Variants in DOCK4 observed in about 807,000 individuals in gnomAD.
DOCK4 encodes the protein dedicator of cytokinesis 4, also known as dedicator of cytokinesis protein 4.
A neutral mutation model predicts 268.1 loss-of-function variants in DOCK4; 97 were observed. That is an observed-to-expected ratio of 0.36 (90% CI 0.31 to 0.43). The LOEUF (loss-of-function observed/expected upper bound fraction) is 0.43. DOCK4 is among the 20% of genes least tolerant of loss of function. The probability of loss-of-function intolerance (pLI) is 1.00; values close to 1 mark genes in which losing one functional copy is unlikely to be tolerated. For synonymous variants in DOCK4, 954 were observed against 887.2 expected (o/e 1.08, Z -1.34); for missense variants, 2,145 against 2,455.7 (o/e 0.87, Z 2.67).
At chr7:111,983,859 C>CGT (rs1798817830) in intron 7 of DOCK4, among the ~76,000 whole-genome samples, 2 of 116,438 alleles carry the variant, frequency 1.7e-5, no homozygotes, top group African/African-American at 3.3e-5. Context: ...CGCGCGCGCG[C>CGT]GCGCACACAC....
intron 1 of DOCK4, among the ~76,000 whole-genome samples, chr7:112,066,639 C>CGT (rs1172568632): frequency 8.2e-5 from 10 of 122,600 alleles, no homozygotes; most frequent in Non-Finnish European, 1.4e-4. Flanking sequence ...TATATACACA[C>CGT]ATATACATAT....
At chr7:111,850,451 C>T (rs1192163830) in intron 23 of DOCK4, among the ~76,000 whole-genome samples, 2 of 152,152 alleles carry the variant, frequency 1.3e-5, no homozygotes, top group Admixed American at 6.5e-5. Flanking sequence ...GCCACCCCCA[C>T]ACCTATCACC....
intron 8 of DOCK4, among the ~76,000 whole-genome samples, chr7:111,974,692 C>T (rs1340487633): frequency 1.3e-5 from 2 of 151,876 alleles, no homozygotes; most frequent in Non-Finnish European, 2.9e-5. Flanking sequence ...AGCCACATTA[C>T]AGACCAGGAA....
chr7:111,934,934 T>A (rs1794601688), intron 12 of DOCK4, among the ~76,000 whole-genome samples: 1 of 151,982 alleles, frequency 6.6e-6, no homozygotes, highest in Non-Finnish European at 1.5e-5. Flanking sequence ...ATTTGTCATG[T>A]GATTTTTAGC....
intron 1 of DOCK4, among the ~76,000 whole-genome samples, chr7:112,035,825 C>T (rs1803704144): frequency 6.6e-6 from 1 of 151,970 alleles, no homozygotes; most frequent in South Asian, 2.1e-4. Context: ...AGGAAGAAGT[C>T]AATGTGCAGA....
At chr7:112,150,694 TC>T (rs1815975104) in intron 1 of DOCK4, among the ~76,000 whole-genome samples, 1 of 152,134 alleles carries the variant, frequency 6.6e-6, no homozygotes, top group Non-Finnish European at 1.5e-5. Context: ...CTCCAAGCCC[TC>T]CACTCCAGCA....
At chr7:111,922,082 A>G (rs1793184904) in intron 12 of DOCK4, among the ~76,000 whole-genome samples, 1 of 152,246 alleles carries the variant, frequency 6.6e-6, no homozygotes, top group Non-Finnish European at 1.5e-5. Context: ...GAAGGCGGTG[A>G]AATTCCTAAT....
At chr7:112,098,809 C>CACA in intron 1 of DOCK4, among the ~76,000 whole-genome samples, 1 of 125,456 alleles carries the variant, frequency 8.0e-6, no homozygotes, top group East Asian at 2.3e-4. Flanking sequence ...ATCTCATGAG[C>CACA]ATATATCTAT....
intron 8 of DOCK4, among the ~76,000 whole-genome samples, chr7:111,949,271 C>A (rs1467752233): frequency 6.6e-6 from 1 of 152,126 alleles, no homozygotes; most frequent in African/African-American, 2.4e-5. Context: ...GATTAAAATA[C>A]AGAAGTCAAT....
At chr7:111,999,248 T>G (rs1405276991) in intron 3 of DOCK4, among the ~76,000 whole-genome samples, 1 of 152,136 alleles carries the variant, frequency 6.6e-6, no homozygotes, top group African/African-American at 2.4e-5. Flanking sequence ...AATTAAATAT[T>G]TAAGAAAATA....
chr7:111,745,852 C>T (rs1297397698), intron 44 of DOCK4, among the ~76,000 whole-genome samples: 1 of 147,564 alleles, frequency 6.8e-6, no homozygotes, highest in Admixed American at 6.6e-5. Context: ...AATTTGAAGC[C>T]TTTTGAATGC....
Position 111,889,937 on chromosome 7 carries a change from G to A in DOCK4, c.1587+5675C>T, listed in dbSNP as rs371856744. Among the ~76,000 whole-genome samples the A allele has an allele frequency of 2.2e-3, 339 of 152,238 alleles. 1 individual carries two copies. Among genetic ancestry groups the A allele is most frequent in the African/African-American group, 7.8e-3 (325 of 41,520 alleles). On this transcript the variant is annotated intron_variant, in intron 16 of 52. Coordinates refer to ENST00000428084, the MANE Select transcript of DOCK4 (RefSeq NM_001363540.2). ...TGTTTGAGTTGGGCACTTCTGCCAT[G>A]GTGGTTCTTGACAATCAACAGTGAT...
chr7:111,799,669 T>A (rs1157461769), intron 30 of DOCK4, among the ~76,000 whole-genome samples: 1 of 152,134 alleles, frequency 6.6e-6, no homozygotes, highest in Non-Finnish European at 1.5e-5. Flanking sequence ...AATAAGTAAC[T>A]AAGTAAGGGC....
At chr7:112,164,522 C>CTA (rs1817416265) in intron 1 of DOCK4, among the ~76,000 whole-genome samples, 1 of 152,156 alleles carries the variant, frequency 6.6e-6, no homozygotes, top group African/African-American at 2.4e-5. Context: ...GTGCCAGGAA[C>CTA]TATACTAAGT....
chr7:111,739,650 A>G (rs2074116), intron 47 of DOCK4, 173 bp from the exon 48 acceptor site: 163,975 of 613,492 alleles, frequency 0.27, 24,249 homozygotes, highest in South Asian at 0.45. Flanking sequence ...GAATTAATGA[A>G]AAGTCTGAGA....
In DOCK4 at chr7:111,765,159, TG is replaced by T; in HGVS notation, c.3978del (p.Phe1326LeufsTer14). 1 of 1,548,334 alleles carries T rather than the reference TG, an allele frequency of 6.5e-7. No individual in the cohort carries two copies. Among genetic ancestry groups the T allele is most frequent in the Non-Finnish European group, 8.7e-7 (1 of 1,149,704 alleles). On this transcript the variant is annotated frameshift_variant, in exon 39 of 53. Coordinates refer to ENST00000428084, the MANE Select transcript of DOCK4 (RefSeq NM_001363540.2). LOFTEE classifies it high-confidence loss of function. ...MDQQRLEPEF[F>X]RVGFYGKKFP... ...AATTTTTTTCCATAAAATCCAACTCTGAAGAACTCTGGTTCAAGACGTTGCT... is the reference window on the plus strand; with the variant it reads ...AATTTTTTTCCATAAAATCCAACTCTAAGAACTCTGGTTCAAGACGTTGCT...
chr7:112,096,859 C>T (rs1810191336), intron 1 of DOCK4, among the ~76,000 whole-genome samples: 1 of 152,134 alleles, frequency 6.6e-6, no homozygotes, highest in Non-Finnish European at 1.5e-5. Flanking sequence ...GGTTACAGGA[C>T]ACAGTACTGG....
chr7:111,963,415 G>T (rs1180741863), intron 8 of DOCK4, among the ~76,000 whole-genome samples: 1 of 124,776 alleles, frequency 8.0e-6, no homozygotes, highest in Non-Finnish European at 1.6e-5. Flanking sequence ...GGGTCAGGGA[G>T]TTCCCTTTCT....
At chr7:111,995,834 C>T (rs1177888002) in intron 4 of DOCK4, among the ~76,000 whole-genome samples, 2 of 152,082 alleles carry the variant, frequency 1.3e-5, no homozygotes, top group East Asian at 1.9e-4. Context: ...TGAATATTTT[C>T]CTTCTTTCTA....
Sources: gnomAD v4.1 joint callset for allele counts (sites outside exome capture counted in the v4.1 genomes callset) on GRCh38, gnomAD v4.1.1 for gene constraint, MANE v1.5 for transcripts, NCBI Gene and HGNC (gene_info 2026-07-23, HGNC 2026-07-21) for gene names.